The following XYLT1 variants were observed in gnomAD, a reference collection of about 807,000 sequenced individuals.
XYLT1 encodes the protein xylosyltransferase 1.
A neutral mutation model predicts 91.3 loss-of-function variants in XYLT1; 36 were observed. The ratio of observed to expected loss-of-function variants is 0.39; its 90% CI spans 0.30 to 0.52. XYLT1 has a LOEUF of 0.52. Among genes scored for constraint, XYLT1 ranks in the 20% least tolerant of loss-of-function variants. XYLT1 has a pLI of 0.68. For synonymous variants in XYLT1, 588 were observed against 532.0 expected (o/e 1.11, Z -1.45); for missense variants, 1,242 against 1,284.5 (o/e 0.97, Z 0.51).
chr16:17,271,927 T>C (rs1254371265), intron 2 of XYLT1, among the ~76,000 whole-genome samples: 1 of 152,070 alleles, frequency 6.6e-6, no homozygotes, highest in Non-Finnish European at 1.5e-5. Context: ...TGAAGAGAGC[T>C]GGCTGGAGAA....
intron 2 of XYLT1, among the ~76,000 whole-genome samples, chr16:17,320,097 T>G (rs2034693983): frequency 6.6e-6 from 1 of 152,234 alleles, no homozygotes; most frequent in African/African-American, 2.4e-5. Context: ...TGACAGCAGC[T>G]CCTTCTTCAC....
At chr16:17,307,583 G>A (rs1027187054) in intron 2 of XYLT1, among the ~76,000 whole-genome samples, 10 of 152,198 alleles carry the variant, frequency 6.6e-5, no homozygotes, top group African/African-American at 2.4e-4. Context: ...TTCCTGCCTT[G>A]AAGAGGCCAG....
intron 5 of XYLT1, among the ~76,000 whole-genome samples, chr16:17,197,272 G>A (rs1431243580): frequency 6.6e-6 from 1 of 151,898 alleles, no homozygotes; most frequent in Non-Finnish European, 1.5e-5. Context: ...CCCCTGCCTG[G>A]ACCACTTTCT....
At chr16:17,299,948 G>A (rs972908631) in intron 2 of XYLT1, among the ~76,000 whole-genome samples, 8 of 152,104 alleles carry the variant, frequency 5.3e-5, no homozygotes, top group Admixed American at 1.3e-4. Flanking sequence ...GAATCTGGCC[G>A]CCTAGGCTTT....
chr16:17,463,174 T>A (rs2036844026), intron 1 of XYLT1, among the ~76,000 whole-genome samples: 1 of 143,612 alleles, frequency 7.0e-6, no homozygotes, highest in Admixed American at 6.7e-5. Flanking sequence ...GAGCAAGAAT[T>A]TTTTTTGGGT....
chr16:17,163,244 G>C (rs187744912), intron 5 of XYLT1, among the ~76,000 whole-genome samples: 1 of 152,192 alleles, frequency 6.6e-6, no homozygotes, highest in South Asian at 2.1e-4. Context: ...CAGACTTAGG[G>C]ACTGGCTCCC....
At chr16:17,155,805 C>G (rs569715284) in intron 6 of XYLT1, among the ~76,000 whole-genome samples, 1 of 152,282 alleles carries the variant, frequency 6.6e-6, no homozygotes, top group South Asian at 2.1e-4. Context: ...GTGTAAGAAG[C>G]ATTTCCTCAG....
At chr16:17,129,873 C>A (rs2141499128) in intron 9 of XYLT1, among the ~76,000 whole-genome samples, 1 of 152,338 alleles carries the variant, frequency 6.6e-6, no homozygotes, top group Non-Finnish European at 1.5e-5. Flanking sequence ...TTATCTTATG[C>A]TTTCTTCCAT....
Position 17,254,093 on chromosome 16 carries a change from G to A in XYLT1, c.913+4895C>T, listed in dbSNP as rs368717431. Among the ~76,000 whole-genome samples the A allele has an allele frequency of 5.1e-4, 78 of 152,302 alleles. 1 individual carries two copies. Among genetic ancestry groups the A allele is most frequent in the Middle Eastern group, 3.4e-3 (1 of 294 alleles). ...GTTCACAATAGACTCAGCCTGTAGG[G>A]CTGGTGTGGGGACACAGTGTGACAA... On this transcript the variant is annotated intron_variant, in intron 3 of 11. Transcript: ENST00000261381.
intron 2 of XYLT1, among the ~76,000 whole-genome samples, chr16:17,291,891 G>T (rs2141798954): frequency 6.6e-6 from 1 of 152,126 alleles, no homozygotes; most frequent in South Asian, 2.1e-4. Context: ...GAAGAGAAAA[G>T]AATATGATAG....
Position 17,388,599 on chromosome 16 carries a change from A to G in XYLT1, c.364-30549T>C, listed in dbSNP as rs139179571. On this transcript the variant is annotated intron_variant, in intron 1 of 11. Transcript: ENST00000261381. The stretch of plus-strand genomic sequence containing the variant: ...AGAAAAAACTAATCCGGATTAAGTA[A>G]GGAGAAACATCATTGGAAAGGATTA... 5.2e-3 allele frequency among the ~76,000 whole-genome samples: 792 copies of G among 152,338 alleles called. 10 individuals are homozygous for G. The highest frequency in any genetic ancestry group is 0.018 in the African/African-American group (745 of 41,562).
chr16:17,431,884 C>T (rs886496858), intron 1 of XYLT1, among the ~76,000 whole-genome samples: 1 of 152,198 alleles, frequency 6.6e-6, no homozygotes, highest in Non-Finnish European at 1.5e-5. Context: ...GGAGAAGCAG[C>T]CATGGCTGCG....
chr16:17,287,228 C>T (rs566480286), intron 2 of XYLT1, among the ~76,000 whole-genome samples: 2 of 152,216 alleles, frequency 1.3e-5, no homozygotes, highest in East Asian at 1.9e-4. Flanking sequence ...TGCTCCATCA[C>T]CCACTCAGAC....
intron 2 of XYLT1, among the ~76,000 whole-genome samples, chr16:17,317,612 G>A (rs4782007): frequency 0.69 from 94,463 of 137,532 alleles, 34,455 homozygotes; most frequent in African/African-American, 0.92. Context: ...CCTGGGCCAC[G>A]GTGGGAGACG....
intron 2 of XYLT1, among the ~76,000 whole-genome samples, chr16:17,308,208 T>C (rs1253013750): frequency 6.6e-6 from 1 of 152,212 alleles, no homozygotes; most frequent in African/African-American, 2.4e-5. Context: ...CCTCCCAAGA[T>C]GGTGCCAGTA....
At chr16:17,325,196 G>C (rs969894855) in intron 2 of XYLT1, among the ~76,000 whole-genome samples, 1 of 152,146 alleles carries the variant, frequency 6.6e-6, no homozygotes, top group Non-Finnish European at 1.5e-5. Flanking sequence ...TCAGGAGTTC[G>C]AGACCAGTCT....
At chr16:17,397,429 C>T (rs570565260) in intron 1 of XYLT1, among the ~76,000 whole-genome samples, 19 of 152,112 alleles carry the variant, frequency 1.2e-4, no homozygotes, top group Non-Finnish European at 2.4e-4. Flanking sequence ...CATAATAAAC[C>T]GCCTTTCCGG....
chr16:17,296,506 A>T (rs1233360475), intron 2 of XYLT1, among the ~76,000 whole-genome samples: 1 of 152,162 alleles, frequency 6.6e-6, no homozygotes. Context: ...ATCAAAGGCT[A>T]ATCAGCCAAG....
chr16:17,323,930 G>A (rs531966421), intron 2 of XYLT1, among the ~76,000 whole-genome samples: 3 of 152,284 alleles, frequency 2.0e-5, no homozygotes, highest in Non-Finnish European at 2.9e-5. Context: ...AACTTATTCA[G>A]AGCTGGCCAA....
Sources: allele counts gnomAD v4.1 joint callset (sites outside exome capture counted in the v4.1 genomes callset), GRCh38; gene constraint gnomAD v4.1.1; transcripts MANE v1.5; gene names NCBI Gene and HGNC (gene_info 2026-07-23, HGNC 2026-07-21).